Variants in CSTF2 observed in about 807,000 individuals in gnomAD.
CSTF2 encodes the protein CF-1 64 kDa subunit.
CSTF2 carries 8 observed loss-of-function variants against 45.4 expected under a neutral mutation model. The ratio of observed to expected loss-of-function variants is 0.18; its 90% CI spans 0.10 to 0.32. CSTF2 has a LOEUF of 0.32. Among genes scored for constraint, CSTF2 ranks in the 10% least tolerant of loss-of-function variants. The pLI is 1.00. For missense variants in CSTF2, 253 were observed against 477.1 expected (o/e 0.53, Z 4.38); for synonymous variants, 155 against 158.9 (o/e 0.98, Z 0.18).
At position 100,822,336 on chromosome X, in the gene CSTF2, C is replaced by T. The variant is rs746997587; in HGVS notation, c.223C>T (p.Arg75Trp). 3 of 1,207,900 alleles carry T rather than the reference C, an allele frequency of 2.5e-6. No homozygotes were observed. The highest frequency in any genetic ancestry group is 2.2e-6 in the Non-Finnish European group (2 of 893,845). The change falls in exon 3 of 14, where the codon CGG (arginine) becomes TGG (tryptophan). Residue 75 changes from arginine to tryptophan, a missense_variant. Physicochemically the swap from Arg to Trp is moderately radical, Grantham distance 101. Around this residue, in one of 3 missense-constraint regions of CSTF2, gnomAD observed 45 missense variants for 147.5 expected, o/e 0.31. Transcript: ENST00000372972. The stretch of plus-strand genomic sequence containing the variant: ...CCAAGAGACAGCACTTAGTGCCATG[C>T]GGAACCTGAATGGGCGCGAATTCAG... ...QDQETALSAMRNLNGREFSGR... is the reference protein window; with the variant it reads ...QDQETALSAMWNLNGREFSGR...
At chrX:100,820,547 C>T in intron 1 of CSTF2, 73 bp downstream of exon 1, 10 of 1,076,768 alleles carry the variant, frequency 9.3e-6, no homozygotes, top group Non-Finnish European at 9.1e-6. Flanking sequence ...TGAATCGCTA[C>T]CGGAGCCGCT....
intron 11 of CSTF2, among the ~76,000 whole-genome samples, chrX:100,833,778 G>T (rs1009503774): frequency 8.9e-6 from 1 of 111,893 alleles, no homozygotes; most frequent in African/African-American, 3.3e-5. Flanking sequence ...CATGTACACG[G>T]TTTTTTCCAA....
intron 6 of CSTF2, among the ~76,000 whole-genome samples, chrX:100,825,244 ATTTAC>A (rs1212902624): frequency 1.8e-5 from 2 of 111,407 alleles, no homozygotes; most frequent in African/African-American, 6.5e-5. Context: ...GGTTTATTTT[ATTTAC>A]TTATTTATTT....
intron 8 of CSTF2, among the ~76,000 whole-genome samples, chrX:100,829,916 G>A (rs1241980993): frequency 1.8e-5 from 2 of 112,220 alleles, no homozygotes; most frequent in African/African-American, 3.2e-5. Context: ...ATTGGCAAAG[G>A]GAAGTGACTC....
chrX:100,839,945 A>T (rs73250631), intron 13 of CSTF2, among the ~76,000 whole-genome samples: 2 of 111,372 alleles, frequency 1.8e-5, no homozygotes, highest in South Asian at 7.7e-4. Context: ...GTTTTTGTCT[A>T]TTTTTTTACC....
intron 8 of CSTF2, among the ~76,000 whole-genome samples, chrX:100,831,252 G>A (rs1299595112): frequency 9.0e-6 from 1 of 111,683 alleles, no homozygotes; most frequent in Non-Finnish European, 1.9e-5. Flanking sequence ...AAAACCAGGA[G>A]CATAAGTTTC....
chrX:100,830,476 A>AT (rs2084968456), intron 8 of CSTF2, among the ~76,000 whole-genome samples: 1 of 111,426 alleles, frequency 9.0e-6, no homozygotes, highest in Admixed American at 9.5e-5. Flanking sequence ...CTTTTTATAT[A>AT]TTTTTTTCCT....
Position 100,837,436 on chromosome X carries a change from A to G in CSTF2, c.1598A>G (p.Gln533Arg). The change falls in exon 12 of 14, where the codon CAG becomes CGG. Residue 533 changes from glutamine (Q) to arginine (R), a missense_variant. Transcript: ENST00000372972. ...FSPGQNQVTP[Q>R]DHEKAALIMQ... ...CCCGGGCAGAACCAAGTCACTCCAC[A>G]GGATCATGAGAAGGTAAGCAACACT... 1 of 1,195,951 alleles carries G rather than the reference A, an allele frequency of 8.4e-7. No homozygotes were observed. Among genetic ancestry groups the G allele is most frequent in the Non-Finnish European group, 1.1e-6 (1 of 881,984 alleles).
chrX:100,822,574 A>G (rs1355492270), intron 3 of CSTF2, 154 bp downstream of exon 3: 7 of 500,552 alleles, frequency 1.4e-5, no homozygotes, highest in African/African-American at 4.8e-5. Context: ...TTAGGCAAGT[A>G]TTATATATAT....
rs1382676663 is a variant in CSTF2, at chrX:100,831,675, G to A, written c.1031+19G>A. The stretch of plus-strand genomic sequence containing the variant: ...AGCCTAGGTAAGCACTAACATAGAA[G>A]GAAACAGTTGAAGAAATCAGAATTG... On this transcript the variant is annotated intron_variant, in intron 9 of 13. Coordinates refer to ENST00000372972, the MANE Select transcript of CSTF2 (RefSeq NM_001325.3). The A allele has an allele frequency of 8.3e-7, 1 of 1,202,878 alleles. No individual in the cohort carries two copies. The highest frequency in any genetic ancestry group is 1.8e-5 in the African/African-American group (1 of 56,890).
intron 8 of CSTF2, chrX:100,830,748 G>A (rs2084970641): frequency 2.3e-6 from 2 of 857,239 alleles, no homozygotes; most frequent in Middle Eastern, 2.7e-4. Flanking sequence ...GTTTCTGCGT[G>A]TGTATGCAAG....
chrX:100,840,316 A>G (rs187121793), intron 13 of CSTF2, among the ~76,000 whole-genome samples: 2 of 112,216 alleles, frequency 1.8e-5, no homozygotes, highest in African/African-American at 6.5e-5. Context: ...GTTCTCAAAC[A>G]AGGGCAGTTT....
At chrX:100,826,812 C>T in intron 7 of CSTF2, 55 bp downstream of exon 7, 1 of 1,148,766 alleles carries the variant, frequency 8.7e-7, no homozygotes, top group South Asian at 1.9e-5. Flanking sequence ...TTGTCATAGC[C>T]ACTGTTGCAG....
rs201953676 is a variant in CSTF2 at position 100,837,414 on chromosome X, G to A, written c.1576G>A (p.Gly526Arg). The A allele has an allele frequency of 1.5e-4, 175 of 1,206,811 alleles. No homozygotes were observed. Among genetic ancestry groups the A allele is most frequent in the Non-Finnish European group, 1.5e-4 (135 of 892,725 alleles). Residue 526 changes from glycine (G) to arginine (R), a missense_variant, in exon 12 of 14, where the codon GGG (glycine) becomes AGG (arginine). By Grantham distance (125) the Gly-to-Arg change is moderately radical. Transcript: ENST00000372972. Reference sequence around the variant, plus strand: ...AAGCCAGCCTGGCGGCTTTAGTCCCGGGCAGAACCAAGTCACTCCACAGGA... The same window carrying A: ...AAGCCAGCCTGGCGGCTTTAGTCCCAGGCAGAACCAAGTCACTCCACAGGA... ...GGSQPGGFSP[G>R]QNQVTPQDHE...
At chrX:100,838,411 T>C in intron 13 of CSTF2, 47 bp downstream of exon 13, 1 of 1,119,350 alleles carries the variant, frequency 8.9e-7, no homozygotes, top group Non-Finnish European at 1.2e-6. Context: ...TCCTTGTCTA[T>C]TCTGGGTATA....
rs769626494 is a variant in CSTF2 at position 100,820,487 on chromosome X, C to T, written c.58+13C>T. ...CGTTCTGTGTTCGGTGAGAGGAATT[C>T]GTTGTAGTCAAGCTTCGGGGAGGGA... On this transcript the variant is annotated intron_variant, in intron 1 of 13. Coordinates refer to ENST00000372972, the MANE Select transcript of CSTF2 (RefSeq NM_001325.3). 5.8e-6 allele frequency: 7 copies of T among 1,207,701 alleles called. No homozygotes were observed. Among genetic ancestry groups the T allele is most frequent in the Admixed American group, 2.2e-5 (1 of 46,116 alleles).
chrX:100,834,605 G>A (rs1377303649), intron 11 of CSTF2, among the ~76,000 whole-genome samples: 1 of 112,004 alleles, frequency 8.9e-6, no homozygotes, highest in African/African-American at 3.2e-5. Context: ...GTGTTTGTGG[G>A]CCTTGATTTT....
At chrX:100,834,073 C>T (rs2084993002) in intron 11 of CSTF2, among the ~76,000 whole-genome samples, 2 of 111,844 alleles carry the variant, frequency 1.8e-5, no homozygotes, top group Admixed American at 1.9e-4. Context: ...GAAGTCTTGT[C>T]TCCTCTCTTT....
At chrX:100,839,342 A>T (rs963984278) in intron 13 of CSTF2, among the ~76,000 whole-genome samples, 18 of 109,708 alleles carry the variant, frequency 1.6e-4, no homozygotes, top group South Asian at 3.9e-4. Flanking sequence ...TTTCTTTTTT[A>T]AAAAAAATTT....
Sources: gnomAD v4.1 joint callset for allele counts (sites outside exome capture counted in the v4.1 genomes callset) on GRCh38, gnomAD v4.1.1 for gene constraint, gnomAD v4.1.1 regional missense constraint, MANE v1.5 for transcripts, NCBI Gene and HGNC (gene_info 2026-07-23, HGNC 2026-07-21) for gene names.